WDR90: variants seen among roughly 807,000 people sequenced by gnomAD.
WDR90 encodes the protein WD repeat domain 90.
In WDR90, 238 loss-of-function variants were observed where a neutral mutation model predicts 195.2. The observed-to-expected ratio is 1.22, with a 90% CI of 1.10 to 1.36. WDR90 has a LOEUF of 1.36. Ranked by LOEUF, WDR90 falls within the 40% of genes most tolerant of loss-of-function variation. The probability of loss-of-function intolerance (pLI) is 0.00; values close to 1 mark genes in which losing one functional copy is unlikely to be tolerated. For missense variants in WDR90, 2,734 were observed against 2,439.5 expected (o/e 1.12, Z -2.54); for synonymous variants, 1,265 against 1,052.4 (o/e 1.20, Z -3.91).
intron 22 of WDR90, 33 bp from the exon 23 acceptor site, chr16:658,492 G>A: frequency 6.3e-7 from 1 of 1,593,708 alleles, no homozygotes; most frequent in Non-Finnish European, 8.6e-7. Flanking sequence ...ACTCTCCTGA[G>A]ACACGGCATT....
At chr16:656,708 C>G in intron 18 of WDR90, 24 bp from the exon 19 acceptor site, 2 of 1,602,218 alleles carry the variant, frequency 1.2e-6, no homozygotes, top group Non-Finnish European at 1.7e-6. Flanking sequence ...CTGCCCTCCC[C>G]TCAGCACGGC....
rs761884544 is a variant in WDR90, at chr16:662,009, C to T, written c.3983C>T (p.Thr1328Met). 40 of 1,603,812 alleles carry T rather than the reference C, an allele frequency of 2.5e-5. No homozygotes were observed. Among genetic ancestry groups the T allele is most frequent in the South Asian group, 1.4e-4 (13 of 91,092 alleles). Residue 1328 changes from threonine (T) to methionine (M), a missense_variant, in exon 32 of 41, where the codon ACG becomes ATG. By Grantham distance (81) the Thr-to-Met change is moderately conservative (BLOSUM62 -1). Transcript: ENST00000293879. ...TSSGQVCVWD[T>M]RAGRCFLSWE... ...TCTGGCCAGGTCTGTGTCTGGGACA[C>T]GCGTGCCGGCCGCTGCTTCTTGTCC...
At position 652,050 on chromosome 16, in the gene WDR90, A is replaced by C. The variant is rs769978500; in HGVS notation, c.1053+11A>C. The C allele has an allele frequency of 3.2e-6, 5 of 1,581,680 alleles. No individual in the cohort carries two copies. In the Admixed American group the frequency reaches 7.1e-5, roughly 22 times the overall value. On this transcript the variant is annotated intron_variant, in intron 9 of 40. Transcript: ENST00000293879. ...ACCGGCTCCTGCGAAGTGAGTGCCCATCCCACAGCAGGCGGGGCCTGGTGA... is the reference window on the plus strand; with the variant it reads ...ACCGGCTCCTGCGAAGTGAGTGCCCCTCCCACAGCAGGCGGGGCCTGGTGA...
chr16:666,027 CGGCT>C lies in WDR90; in HGVS notation c.4513_4516del (p.Gly1505ProfsTer23). The C allele has an allele frequency of 1.2e-6, 2 of 1,604,296 alleles. No homozygotes were observed. The highest frequency in any genetic ancestry group is 1.7e-6 in the Non-Finnish European group (2 of 1,179,788). On this transcript the variant is annotated frameshift_variant, in exon 36 of 41. Coordinates refer to ENST00000293879, the MANE Select transcript of WDR90 (RefSeq NM_145294.5). LOFTEE classifies it high-confidence loss of function. ...AGCGGCTAGCGGCTGGCTACGGTGA[CGGCT>C]CCCTGCGCATCTTCAGCGTCTCCCG... is the stretch of plus-strand genomic sequence containing the variant.
At chr16:650,762 C>G in intron 5 of WDR90, 53 bp downstream of exon 5, 1 of 1,583,470 alleles carries the variant, frequency 6.3e-7, no homozygotes, top group Non-Finnish European at 8.6e-7. Context: ...GCTCTCAGCC[C>G]TGGAGAGGCC....
rs1567223849 is a variant in WDR90 at position 665,972 on chromosome 16, GC to G, written c.4463del (p.Pro1488ArgfsTer11). 2 of 1,594,532 alleles carry G rather than the reference GC, an allele frequency of 1.3e-6. No individual in the cohort carries two copies. The highest frequency in any genetic ancestry group is 8.5e-7 in the Non-Finnish European group (1 of 1,173,430). On this transcript the variant is annotated frameshift_variant, in exon 36 of 41. Coordinates refer to ENST00000293879, the MANE Select transcript of WDR90 (RefSeq NM_145294.5). LOFTEE classifies it high-confidence loss of function. ...CAGAGCTGCCTCTGCCTGGCATGGA[GC>G]CCCCCGTGCTGTGGCCGCCCTGAGC... ...LNQSCLCLAW[S>X]PPCCGRPEQQ...
In WDR90 at chr16:649,979, C is replaced by T. The variant is rs1322569378; in HGVS notation, c.103-12C>T. Reference sequence around the variant, plus strand: ...TGGGTGCTGTCGGTGATGCGGGCTCCCGCTTCTCCAGGACAAGACCCTGAA... The same window carrying T: ...TGGGTGCTGTCGGTGATGCGGGCTCTCGCTTCTCCAGGACAAGACCCTGAA... On this transcript the variant is annotated splice_polypyrimidine_tract_variant and intron_variant, in intron 2 of 40. Coordinates refer to ENST00000293879, the MANE Select transcript of WDR90 (RefSeq NM_145294.5). The T allele has an allele frequency of 5.0e-6, 8 of 1,611,504 alleles. No homozygotes were observed. The highest frequency in any genetic ancestry group is 1.3e-5 in the African/African-American group (1 of 74,924).
chr16:656,363 CACCTCCTCGG>C lies in WDR90; in HGVS notation c.2029_2038del (p.Thr677AlafsTer111). 6.2e-7 allele frequency: 1 copy of C among 1,609,698 alleles called. No homozygotes were observed. Among genetic ancestry groups the C allele is most frequent in the Non-Finnish European group, 8.5e-7 (1 of 1,179,762 alleles). On this transcript the variant is annotated frameshift_variant, in exon 18 of 41. Coordinates refer to ENST00000293879, the MANE Select transcript of WDR90 (RefSeq NM_145294.5). LOFTEE classifies it high-confidence loss of function. Reference sequence around the variant, plus strand: ...CCGATGGCCTCCGTGTGCTGTCTGCCACCTCCTCGGGCCACCTGGGCTTCCTGGACACGCT... The same window carrying C: ...CCGATGGCCTCCGTGTGCTGTCTGCCGCCACCTGGGCTTCCTGGACACGCT...
chr16:653,240 C>G (rs906341943), intron 10 of WDR90, 101 bp from the exon 11 acceptor site: 8 of 990,768 alleles, frequency 8.1e-6, no homozygotes, highest in Non-Finnish European at 1.0e-5. Context: ...GGCCTGCCAC[C>G]CCCTCTCCCT....
chr16:659,071 C>G lies in WDR90; in HGVS notation c.3012-15C>G, dbSNP rs1157786705. The G allele has an allele frequency of 6.2e-7, 1 of 1,613,216 alleles. No individual in the cohort carries two copies. Among genetic ancestry groups the G allele is most frequent in the African/African-American group, 1.3e-5 (1 of 75,020 alleles). ...CCCCCAGGCCCTCCTGAAACCCTCT[C>G]TCCTCCCTCTCCAGCGACCAAAGCT... is the stretch of plus-strand genomic sequence containing the variant. On this transcript the variant is annotated splice_polypyrimidine_tract_variant and intron_variant, in intron 24 of 40. Transcript: ENST00000293879.
chr16:651,181 C>T lies in WDR90; in HGVS notation c.669-18C>T. On this transcript the variant is annotated intron_variant, in intron 6 of 40. Transcript: ENST00000293879. ...GCCCTTGGGCCCCCAGACACTGACT[C>T]TCCCTCTGCCTGCCAAGGTTTCCAA... 6 of 1,613,224 alleles carry T rather than the reference C, an allele frequency of 3.7e-6. No individual in the cohort carries two copies. The highest frequency in any genetic ancestry group is 5.1e-6 in the Non-Finnish European group (6 of 1,179,990).
chr16:649,475 CG>C, intron 1 of WDR90, 49 bp downstream of exon 1: 1 of 1,287,432 alleles, frequency 7.8e-7, no homozygotes, highest in Non-Finnish European at 9.8e-7. Flanking sequence ...TCCGGGGTTC[CG>C]GGGTCCAGGG....
intron 40 of WDR90, among the ~76,000 whole-genome samples, chr16:667,199 T>C (rs1306446221): frequency 4.6e-5 from 7 of 152,196 alleles, no homozygotes; most frequent in Admixed American, 4.6e-4. Flanking sequence ...AGGGCCTGAA[T>C]GCACGGGTGG....
intron 34 of WDR90, among the ~76,000 whole-genome samples, chr16:664,719 G>A (rs1281174278): frequency 4.0e-5 from 6 of 148,208 alleles, no homozygotes; most frequent in Admixed American, 2.7e-4. Flanking sequence ...GTTTCTTGTC[G>A]CCCAGGCTGG....
In WDR90 at chr16:659,085, G is replaced by T. The variant is rs781246319; in HGVS notation, c.3012-1G>T. On this transcript the variant is annotated splice_acceptor_variant, in intron 24 of 40. Transcript: ENST00000293879. LOFTEE classifies it high-confidence loss of function. The stretch of plus-strand genomic sequence containing the variant: ...TGAAACCCTCTCTCCTCCCTCTCCA[G>T]CGACCAAAGCTTCCCCGGGGCCCCC... 1 of 1,613,010 alleles carries T rather than the reference G, an allele frequency of 6.2e-7. No homozygotes were observed. Among genetic ancestry groups the T allele is most frequent in the Non-Finnish European group, 8.5e-7 (1 of 1,179,978 alleles).
chr16:651,720 A>C lies in WDR90; in HGVS notation c.813A>C (p.Pro271=), dbSNP rs1178484907. 1.9e-5 allele frequency: 30 copies of C among 1,613,088 alleles called. No individual in the cohort carries two copies. Among genetic ancestry groups the C allele is most frequent in the Non-Finnish European group, 2.5e-5 (30 of 1,179,986 alleles). ...AACCTGTGCGGTTCAGTGTGTCTCC[A>C]GTGGTCCAGACGCCCAGCCCCACAG... is the stretch of plus-strand genomic sequence containing the variant. The part of the protein sequence containing the change: ...SSKPVRFSVS[P]VVQTPSPTAS... Residue 271 remains proline (P), a synonymous_variant, in exon 8 of 41, where the codon CCA becomes CCC. Coordinates refer to ENST00000293879, the MANE Select transcript of WDR90 (RefSeq NM_145294.5).
chr16:666,135 G>A lies in WDR90; in HGVS notation c.4609+11G>A. 4 of 1,608,114 alleles carry A rather than the reference G, an allele frequency of 2.5e-6. No homozygotes were observed. The highest frequency in any genetic ancestry group is 3.4e-6 in the Non-Finnish European group (4 of 1,176,608). The stretch of plus-strand genomic sequence containing the variant: ...CCTTCTCCACCGATGGTGAGGAGTT[G>A]GGTGTGTTGGGGATGGTGCCGTCCT... On this transcript the variant is annotated intron_variant, in intron 36 of 40. Transcript: ENST00000293879.
In WDR90 at chr16:655,254, G is replaced by A. The variant is rs749540777; in HGVS notation, c.1557-53G>A. On this transcript the variant is annotated intron_variant, in intron 14 of 40. Transcript: ENST00000293879. ...TTGGCTGTGCGTCTCTGCGTCTCCC[G>A]GTGGGTCAGGGCGCTGCGAGCTGCG... is the stretch of plus-strand genomic sequence containing the variant. 1.9e-5 allele frequency: 30 copies of A among 1,611,026 alleles called. No individual in the cohort carries two copies. The South Asian group carries it at 1.9e-4, about 10-fold the overall frequency.
chr16:662,947 G>C (rs967425951), intron 34 of WDR90, 103 bp downstream of exon 34: 1 of 1,499,874 alleles, frequency 6.7e-7, no homozygotes, highest in Non-Finnish European at 9.0e-7. Flanking sequence ...AAGTCCTGCC[G>C]TCACTGGCTC....
Sources: gnomAD v4.1 joint callset for allele counts (sites outside exome capture counted in the v4.1 genomes callset) on GRCh38, gnomAD v4.1.1 for gene constraint, MANE v1.5 for transcripts, NCBI Gene and HGNC (gene_info 2026-07-23, HGNC 2026-07-21) for gene names.